The following GCLM variants were observed in gnomAD, a reference collection of about 807,000 sequenced individuals.
GCLM encodes the protein glutamate-cysteine ligase modifier subunit.
GCLM carries 15 observed loss-of-function variants against 36.0 expected under a neutral mutation model. The observed-to-expected ratio is 0.42, with a 90% CI of 0.28 to 0.64. GCLM has a LOEUF of 0.64. GCLM is among the 30% of genes least tolerant of loss of function. GCLM has a pLI of 0.25. For missense variants in GCLM, 242 were observed against 325.5 expected, an observed-to-expected ratio of 0.74 and a Z score of 1.97; for synonymous variants, 129 against 122.8, an observed-to-expected ratio of 1.05 and a Z score of -0.34.
At chr1:93,897,694 C>G (rs1312538813) in intron 4 of GCLM, 145 bp downstream of exon 4, 3 of 549,488 alleles carry the variant, frequency 5.5e-6, no homozygotes, top group African/African-American at 4.0e-5. Context: ...TTACAGAAGC[C>G]TTAAGAAACT....
In GCLM at chr1:93,888,793, C is replaced by A. The variant is rs1037829711; in HGVS notation, c.*197G>T. ...TTAGAAAACAATAGTTTAAGGAAAGCAATACAGAGGTTCATGAGAATGGAT... is the reference window on the plus strand; with the variant it reads ...TTAGAAAACAATAGTTTAAGGAAAGAAATACAGAGGTTCATGAGAATGGAT... On this transcript the variant is annotated 3_prime_UTR_variant, in exon 7 of 7. Coordinates refer to ENST00000370238, the MANE Select transcript of GCLM (RefSeq NM_002061.4). The A allele has an allele frequency of 7.4e-5, 29 of 389,380 alleles. No individual in the cohort carries two copies. The highest frequency in any genetic ancestry group is 6.0e-4 in the African/African-American group (29 of 48,258). 24.1% of individuals were successfully genotyped at this position (389,380 alleles called of 1,614,324 possible).
intron 6 of GCLM, among the ~76,000 whole-genome samples, chr1:93,892,187 C>A (rs781651937): frequency 1.4e-4 from 21 of 152,098 alleles, no homozygotes; most frequent in Non-Finnish European, 2.4e-4. Context: ...TACAATTTTA[C>A]TCTCTAGTTA....
At position 93,896,764 on chromosome 1, in the gene GCLM, T is replaced by C. The variant is rs746859746; in HGVS notation, c.394A>G (p.Ile132Val). ...AAGGAAAGATTAACTCCATCTTCAATAGGAGGTGAAGCAATGATCACAGAA... is the reference window on the plus strand; with the variant it reads ...AAGGAAAGATTAACTCCATCTTCAACAGGAGGTGAAGCAATGATCACAGAA... ...LDSVIIASPPIEDGVNLSLEH... is the reference protein window; with the variant it reads ...LDSVIIASPPVEDGVNLSLEH... Residue 132 changes from isoleucine to valine, a missense_variant, in exon 5 of 7, where the codon ATT becomes GTT. Transcript: ENST00000370238. 43 of 1,609,786 alleles carry C rather than the reference T, an allele frequency of 2.7e-5. No homozygotes were observed. The highest frequency in any genetic ancestry group is 8.8e-5 in the South Asian group (8 of 90,986).
intron 1 of GCLM, among the ~76,000 whole-genome samples, chr1:93,908,176 T>G (rs1170577728): frequency 6.6e-6 from 1 of 152,212 alleles, no homozygotes; most frequent in East Asian, 1.9e-4. Context: ...TTTTGTTATT[T>G]TTTAAATACT....
At chr1:93,901,843 A>G (rs990605525) in intron 2 of GCLM, among the ~76,000 whole-genome samples, 174 bp from the exon 3 acceptor site, 1 of 151,946 alleles carries the variant, frequency 6.6e-6, no homozygotes. Context: ...AAATAAAGGT[A>G]AAGTGGGGTG....
intron 3 of GCLM, among the ~76,000 whole-genome samples, chr1:93,900,051 A>G (rs888425834): frequency 3.9e-5 from 6 of 152,156 alleles, no homozygotes; most frequent in African/African-American, 2.4e-5. Context: ...TACGTTTCTT[A>G]TATGAGTCCC....
intron 6 of GCLM, among the ~76,000 whole-genome samples, chr1:93,891,724 A>T (rs1209915336): frequency 6.6e-6 from 1 of 152,152 alleles, no homozygotes; most frequent in African/African-American, 2.4e-5. Context: ...ACAGATAGGG[A>T]TTAAGTGAGC....
rs1302371504 is a variant in GCLM, at chr1:93,888,486, C to T, written c.*504G>A. 2 of 152,214 alleles carry T rather than the reference C, an allele frequency of 1.3e-5. No individual in the cohort carries two copies. Among genetic ancestry groups the T allele is most frequent in the Admixed American group, 6.5e-5 (1 of 15,274 alleles). The allele number at this position is 152,214 out of a possible 1,614,324, so 9.4% of individuals were successfully genotyped here. On this transcript the variant is annotated 3_prime_UTR_variant, in exon 7 of 7. Coordinates refer to ENST00000370238, the MANE Select transcript of GCLM (RefSeq NM_002061.4). ...TGAAGAGTGAATTTTATTTACACTA[C>T]TAGTAAATCCCAGCTACTCCAGTTA... is the stretch of plus-strand genomic sequence containing the variant.
Position 93,909,332 on chromosome 1 carries a change from G to T in GCLM, c.-169C>A. The T allele has an allele frequency of 9.7e-7, 1 of 1,032,012 alleles. No homozygotes were observed. Among genetic ancestry groups the T allele is most frequent in the Non-Finnish European group, 1.2e-6 (1 of 861,490 alleles). 63.9% of individuals were successfully genotyped at this position (1,032,012 alleles called of 1,614,324 possible). ...TGGTCTGCGCTCGGGCCCGAGGGAG[G>T]CCGGACGGCGGCTGGGCGGCGGCGG... On this transcript the variant is annotated 5_prime_UTR_variant, in exon 1 of 7. Coordinates refer to ENST00000370238, the MANE Select transcript of GCLM (RefSeq NM_002061.4).
chr1:93,896,949 CAT>C lies in GCLM; in HGVS notation c.338-131_338-130del, dbSNP rs1212252743. On this transcript the variant is annotated intron_variant, in intron 4 of 6. Transcript: ENST00000370238. ...TTGTTTTCAAAATAACAGATTATTTCATAGTTTACTTTTCATTTAGAACATTT... is the reference window on the plus strand; with the variant it reads ...TTGTTTTCAAAATAACAGATTATTTCAGTTTACTTTTCATTTAGAACATTT... The C allele has an allele frequency of 1.2e-4, 74 of 632,226 alleles. No individual in the cohort carries two copies. The African/African-American group carries it at 1.2e-3, about 11-fold the overall frequency. 39.2% of individuals were successfully genotyped at this position (632,226 alleles called of 1,614,324 possible).
intron 6 of GCLM, 70 bp downstream of exon 6, chr1:93,894,544 G>GT: frequency 1.2e-6 from 1 of 815,232 alleles, no homozygotes; most frequent in Non-Finnish European, 2.1e-6. Context: ...TTAAAATTAT[G>GT]TATCAACAAA....
chr1:93,894,841 C>T, intron 5 of GCLM, 113 bp from the exon 6 acceptor site: 1 of 610,304 alleles, frequency 1.6e-6, no homozygotes. Flanking sequence ...AAATCACAAT[C>T]CACAGTGATT....
At chr1:93,890,388 G>A (rs1656489396) in intron 6 of GCLM, among the ~76,000 whole-genome samples, 2 of 151,882 alleles carry the variant, frequency 1.3e-5, no homozygotes, top group East Asian at 3.9e-4. Context: ...CCAATGTATA[G>A]ACTTTATATA....
rs1380325577 is a variant in GCLM, at chr1:93,887,008, T to G, written c.*1982A>C. ...TTCACATAATTTTTCTTTTTTTTTT[T>G]TTTTTGAGACGCAGTCTCGCTCTGT... On this transcript the variant is annotated 3_prime_UTR_variant, in exon 7 of 7. Coordinates refer to ENST00000370238, the MANE Select transcript of GCLM (RefSeq NM_002061.4). The G allele has an allele frequency of 6.6e-6, 1 of 151,416 alleles. No individual in the cohort carries two copies. Among genetic ancestry groups the G allele is most frequent in the Admixed American group, 6.6e-5 (1 of 15,198 alleles). The allele number at this position is 151,416 out of a possible 1,614,324, so 9.4% of individuals were successfully genotyped here. A position where few individuals can be genotyped will look rare whatever the true frequency, so the allele number is the denominator to read the frequency against.
At chr1:93,904,078 G>A (rs1274210158) in intron 2 of GCLM, among the ~76,000 whole-genome samples, 2 of 152,164 alleles carry the variant, frequency 1.3e-5, no homozygotes, top group Non-Finnish European at 2.9e-5. Flanking sequence ...GTGTTTTAGG[G>A]TTTTGAACAT....
intron 4 of GCLM, among the ~76,000 whole-genome samples, chr1:93,897,379 T>C (rs1285873821): frequency 1.3e-5 from 2 of 152,214 alleles, no homozygotes; most frequent in African/African-American, 4.8e-5. Flanking sequence ...TTATTCATTC[T>C]AAAGTTACAT....
At chr1:93,903,508 G>C (rs903373285) in intron 2 of GCLM, among the ~76,000 whole-genome samples, 2 of 147,260 alleles carry the variant, frequency 1.4e-5, no homozygotes, top group Non-Finnish European at 3.0e-5. Flanking sequence ...AGTAGACATG[G>C]GGTTTCGCCA....
intron 6 of GCLM, among the ~76,000 whole-genome samples, chr1:93,893,004 G>T (rs1656591029): frequency 6.6e-6 from 1 of 152,120 alleles, no homozygotes; most frequent in Non-Finnish European, 1.5e-5. Context: ...CACTAAAATG[G>T]CTTAAAAAAT....
At chr1:93,895,963 CTTTTTT>C (rs577913729) in intron 5 of GCLM, among the ~76,000 whole-genome samples, 4 of 133,524 alleles carry the variant, frequency 3.0e-5, no homozygotes, top group African/African-American at 5.6e-5. Context: ...GTTTTTCTTT[CTTTTTT>C]TTTTTTTTTT....
Sources: allele counts gnomAD v4.1 joint callset (sites outside exome capture counted in the v4.1 genomes callset), GRCh38; gene constraint gnomAD v4.1.1; transcripts MANE v1.5; gene names NCBI Gene and HGNC (gene_info 2026-07-23, HGNC 2026-07-21).